IPP: variants seen among roughly 807,000 people sequenced by gnomAD.
The protein encoded by IPP is actin-binding protein IPP.
IPP carries 41 observed loss-of-function variants against 64.1 expected under a neutral mutation model. That is an observed-to-expected ratio of 0.64 (90% CI 0.50 to 0.83). IPP has a LOEUF of 0.83. IPP is among the 40% of genes least tolerant of loss of function. IPP has a pLI of 0.00. For synonymous variants in IPP, 214 were observed against 235.2 expected, an observed-to-expected ratio of 0.91 and a Z score of 0.83; for missense variants, 649 against 703.0, an observed-to-expected ratio of 0.92 and a Z score of 0.87.
chr1:45,742,345 C>T lies in IPP; in HGVS notation c.293-1013G>A, dbSNP rs1007162235. ...ACACAATTTACCCATGGAACAAACC[C>T]GCATATGTACCTCTTGAACCTAAAA... On this transcript the variant is annotated intron_variant, in intron 2 of 8. Transcript: ENST00000396478. 4.6e-5 allele frequency among the ~76,000 whole-genome samples: 7 copies of T among 151,976 alleles called. No individual in the cohort carries two copies. The East Asian group carries it at 9.6e-4, about 21-fold the overall frequency.
rs150261873 is a variant in IPP, at chr1:45,714,366, T to C, written c.1410A>G (p.Pro470=). ...CAAGATATGCTCTCCTGGTTCCCAT[T>C]GGAGGAAGTGGAGACCAACGCTTAG... ...PLSKRWSPLP[P]MGTRRAYLGV... The change falls in exon 8 of 9, where the codon CCA becomes CCG. Residue 470 remains proline, a synonymous_variant. Coordinates refer to ENST00000396478, the MANE Select transcript of IPP (RefSeq NM_005897.3). The C allele has an allele frequency of 3.2e-5, 51 of 1,613,912 alleles. No individual in the cohort carries two copies. The African/African-American group carries it at 6.0e-4, about 19-fold the overall frequency.
intron 8 of IPP, among the ~76,000 whole-genome samples, chr1:45,700,850 G>C (rs1645441746): frequency 6.6e-6 from 1 of 152,092 alleles, no homozygotes; most frequent in Admixed American, 6.6e-5. Flanking sequence ...AAGCTCCAAG[G>C]AGAAAGAAGC....
At chr1:45,743,970 T>C (rs1296390197) in intron 2 of IPP, among the ~76,000 whole-genome samples, 1 of 151,626 alleles carries the variant, frequency 6.6e-6, no homozygotes, top group Non-Finnish European at 1.5e-5. Context: ...TGAGCCAAGA[T>C]TGTGCCACTA....
intron 3 of IPP, among the ~76,000 whole-genome samples, chr1:45,730,579 T>G (rs1645893376): frequency 6.6e-6 from 1 of 152,200 alleles, no homozygotes; most frequent in African/African-American, 2.4e-5. Flanking sequence ...ATGCATATGA[T>G]GAGGTAGGTT....
intron 2 of IPP, among the ~76,000 whole-genome samples, chr1:45,745,129 C>T (rs892169142): frequency 1.4e-4 from 21 of 152,124 alleles, no homozygotes; most frequent in Admixed American, 1.4e-3. Context: ...GAGCTCCTGG[C>T]CTCAAGCAAT....
chr1:45,698,693 GC>G (rs1645409122), downstream of IPP: 1 of 841,966 alleles, frequency 1.2e-6, no homozygotes, highest in South Asian at 5.7e-5. Flanking sequence ...CAACAATCTA[GC>G]AAAAAAGGAA....
chr1:45,720,011 C>T (rs765398418), intron 5 of IPP, among the ~76,000 whole-genome samples: 17 of 152,134 alleles, frequency 1.1e-4, no homozygotes, highest in East Asian at 7.7e-4. Flanking sequence ...TGTGAGACAC[C>T]GCACCCAGCC....
rs1324929988 is a variant in IPP at position 45,719,273 on chromosome 1, A to AGTT, written c.1113_1115dup (p.Thr372dup). 2 of 1,613,546 alleles carry AGTT rather than the reference A, an allele frequency of 1.2e-6. No individual in the cohort carries two copies. ...AGCGGGGATGATTCATCGAAGCTAC[A>AGTT]GTTGTCCACTGTTTAGTAACTGGAT... On this transcript the variant is annotated inframe_insertion, in exon 6 of 9. Coordinates refer to ENST00000396478, the MANE Select transcript of IPP (RefSeq NM_005897.3).
intron 4 of IPP, among the ~76,000 whole-genome samples, chr1:45,729,221 G>A (rs72690811): frequency 0.025 from 3,695 of 150,698 alleles, 76 homozygotes; most frequent in Non-Finnish European, 0.036. Context: ...ACCACACTTT[G>A]GAGATCATTG....
Position 45,729,751 on chromosome 1 carries a change from A to T in IPP, c.743T>A (p.Leu248His). 1 of 1,585,678 alleles carries T rather than the reference A, an allele frequency of 6.3e-7. No individual in the cohort carries two copies. Among genetic ancestry groups the T allele is most frequent in the African/African-American group, 1.4e-5 (1 of 73,930 alleles). ...KYIEGVSDFN[L>H]RVALQTLLKE... ...CAGAAGTGTTTGCAATGCAACACGAAGATTAAAATCGGATACTCCTAAAAC... is the reference window on the plus strand; with the variant it reads ...CAGAAGTGTTTGCAATGCAACACGATGATTAAAATCGGATACTCCTAAAAC... Residue 248 changes from leucine to histidine, a missense_variant, in exon 4 of 9, where the codon CTT becomes CAT. By Grantham distance (99) the Leu-to-His change is moderately conservative. Coordinates refer to ENST00000396478, the MANE Select transcript of IPP (RefSeq NM_005897.3).
chr1:45,712,103 G>T (rs925642632), intron 8 of IPP, among the ~76,000 whole-genome samples: 7 of 151,970 alleles, frequency 4.6e-5, no homozygotes, highest in South Asian at 2.1e-4. Context: ...ATTGCTTGAG[G>T]TCATGAGTTC....
intron 8 of IPP, among the ~76,000 whole-genome samples, chr1:45,709,679 T>G (rs935344683): frequency 7.5e-6 from 1 of 132,494 alleles, no homozygotes; most frequent in Non-Finnish European, 1.6e-5. Context: ...ACAAAAAAAT[T>G]AGCTGGGCAT....
chr1:45,733,580 T>A (rs561654330), intron 3 of IPP, among the ~76,000 whole-genome samples: 1 of 151,312 alleles, frequency 6.6e-6, no homozygotes, highest in South Asian at 2.1e-4. Context: ...GGCTCACGCC[T>A]GAGCACTTTG....
At chr1:45,743,583 G>A (rs2148583857) in intron 2 of IPP, among the ~76,000 whole-genome samples, 1 of 151,946 alleles carries the variant, frequency 6.6e-6, no homozygotes, top group African/African-American at 2.4e-5. Flanking sequence ...AGGCATGGTG[G>A]TGTGTGTTGT....
chr1:45,724,538 G>A (rs1237236600), intron 5 of IPP, among the ~76,000 whole-genome samples: 29 of 150,514 alleles, frequency 1.9e-4, no homozygotes, highest in African/African-American at 6.9e-4. Context: ...AGCGAGGAGC[G>A]CCTCTTCCCC....
At chr1:45,720,079 A>G (rs1212099939) in intron 5 of IPP, among the ~76,000 whole-genome samples, 6 of 151,192 alleles carry the variant, frequency 4.0e-5, no homozygotes, top group Non-Finnish European at 5.9e-5. Flanking sequence ...ATATTTATTT[A>G]TTTATTTATT....
intron 8 of IPP, among the ~76,000 whole-genome samples, chr1:45,706,082 C>T (rs936476583): frequency 5.9e-5 from 9 of 152,034 alleles, no homozygotes; most frequent in African/African-American, 1.7e-4. Flanking sequence ...GGTGAGATTC[C>T]GTGGGTACAG....
intron 3 of IPP, among the ~76,000 whole-genome samples, chr1:45,737,829 G>C (rs759834525): frequency 6.6e-6 from 1 of 151,920 alleles, no homozygotes; most frequent in Non-Finnish European, 1.5e-5. Context: ...ACAATGCCTA[G>C]GTCATTCACC....
chr1:45,724,816 C>G (rs1186044240), intron 5 of IPP, among the ~76,000 whole-genome samples: 2 of 149,956 alleles, frequency 1.3e-5, no homozygotes, highest in Non-Finnish European at 3.0e-5. Context: ...GGAGCCCCTC[C>G]GTCCGGCAGC....
Sources: gnomAD v4.1 joint callset for allele counts (sites outside exome capture counted in the v4.1 genomes callset) on GRCh38, gnomAD v4.1.1 for gene constraint, MANE v1.5 for transcripts, NCBI Gene and HGNC (gene_info 2026-07-23, HGNC 2026-07-21) for gene names.